ITPR2: variants seen among roughly 807,000 people sequenced by gnomAD.
ITPR2 encodes the protein inositol 1,4,5-trisphosphate-gated calcium channel ITPR2.
Under a neutral mutation model 317.1 loss-of-function variants are expected in ITPR2, and 207 were observed. The observed-to-expected ratio is 0.65, with a 90% CI of 0.58 to 0.73. The LOEUF is 0.73. Among genes scored for constraint, ITPR2 ranks in the 30% least tolerant of loss-of-function variants. The pLI is 0.00. For missense variants in ITPR2, 2,613 were observed against 3,284.0 expected (o/e 0.80, Z 4.99); for synonymous variants, 1,156 against 1,149.1 (o/e 1.01, Z -0.12).
At chr12:26,441,457 T>C (rs10842732) in intron 46 of ITPR2, among the ~76,000 whole-genome samples, 68,924 of 152,058 alleles carry the variant, frequency 0.45, 17,380 homozygotes, top group Non-Finnish European at 0.58. Flanking sequence ...AAGTGACATA[T>C]ATGAAGCTAA....
At chr12:26,360,007 A>C (rs1313369116) in intron 55 of ITPR2, among the ~76,000 whole-genome samples, 8 of 152,290 alleles carry the variant, frequency 5.3e-5, no homozygotes, top group African/African-American at 1.7e-4. Flanking sequence ...TGGCTCTCGC[A>C]ATCTACTGAT....
chr12:26,774,213 T>C (rs1949919173), intron 2 of ITPR2, among the ~76,000 whole-genome samples: 1 of 152,140 alleles, frequency 6.6e-6, no homozygotes, highest in Non-Finnish European at 1.5e-5. Flanking sequence ...TTTAAGACTA[T>C]AACAAACTAA....
At chr12:26,540,946 G>A (rs1944241514) in intron 37 of ITPR2, among the ~76,000 whole-genome samples, 1 of 152,058 alleles carries the variant, frequency 6.6e-6, no homozygotes, top group Non-Finnish European at 1.5e-5. Flanking sequence ...TAAAGCAGAT[G>A]TCTTATTATA....
chr12:26,562,819 T>C (rs1944856504), intron 34 of ITPR2, among the ~76,000 whole-genome samples: 1 of 151,592 alleles, frequency 6.6e-6, no homozygotes, highest in African/African-American at 2.4e-5. Context: ...CTAATGTAAA[T>C]GACAAGTTAA....
intron 55 of ITPR2, among the ~76,000 whole-genome samples, chr12:26,356,845 C>G (rs1016239112): frequency 6.6e-6 from 1 of 152,126 alleles, no homozygotes; most frequent in Non-Finnish European, 1.5e-5. Flanking sequence ...CTGTGCCCAG[C>G]TCATTTTATA....
intron 26 of ITPR2, 72 bp downstream of exon 26, chr12:26,621,051 T>C: frequency 7.6e-7 from 1 of 1,309,918 alleles, no homozygotes; most frequent in East Asian, 2.4e-5. Flanking sequence ...ATTTTGATTG[T>C]AGAGCATGTG....
At chr12:26,504,491 C>T (rs1050192728) in intron 37 of ITPR2, among the ~76,000 whole-genome samples, 5 of 146,784 alleles carry the variant, frequency 3.4e-5, no homozygotes, top group African/African-American at 1.2e-4. Context: ...AGCCAATAAA[C>T]ATGAAAAAAA....
chr12:26,565,487 T>C lies in ITPR2; in HGVS notation c.4631-3535A>G, dbSNP rs199874687. On this transcript the variant is annotated intron_variant, in intron 34 of 56. Transcript: ENST00000381340. ...ATTGGATGAATAGATAGACAGATGATAGATAGATAGATAGATAGATAGATA... is the reference window on the plus strand; with the variant it reads ...ATTGGATGAATAGATAGACAGATGACAGATAGATAGATAGATAGATAGATA... Among the ~76,000 whole-genome samples the C allele has an allele frequency of 4.4e-4, 26 of 58,774 alleles. No individual in the cohort carries two copies. In the South Asian group the frequency reaches 0.016, roughly 36 times the overall value. The allele number at this position is 58,774 out of a possible 152,430, so 38.6% of individuals were successfully genotyped here. A position where few individuals can be genotyped will look rare whatever the true frequency, so the allele number is the denominator to read the frequency against.
chr12:26,769,932 T>C (rs973110944), intron 2 of ITPR2, among the ~76,000 whole-genome samples: 6 of 152,192 alleles, frequency 3.9e-5, no homozygotes, highest in Non-Finnish European at 8.8e-5. Context: ...AAAGAATGCA[T>C]TTTCCAAGGG....
In ITPR2 at chr12:26,654,092, C is replaced by A; in HGVS notation, c.2624G>T (p.Gly875Val). The change falls in exon 21 of 57, where the codon GGA (glycine) becomes GTA (valine). Residue 875 changes from glycine (G) to valine (V), a missense_variant. Gly to Val is a moderately radical substitution (Grantham distance 109). Around this residue, in one of 9 missense-constraint regions of ITPR2, gnomAD observed 817 missense variants for 897.6 expected, o/e 0.91. Coordinates refer to ENST00000381340, the MANE Select transcript of ITPR2 (RefSeq NM_002223.4). The stretch of plus-strand genomic sequence containing the variant: ...TAATAACTCACTGAAACTATAAAAT[C>A]CAAAGTATATAAGATTCCGAGCCAA... ...VHLARNLIYF[G>V]FYSFSELLRL... is the part of the protein sequence containing the mutation. 2.1e-6 allele frequency: 3 copies of A among 1,443,302 alleles called. No homozygotes were observed. The highest frequency in any genetic ancestry group is 2.8e-6 in the Non-Finnish European group (3 of 1,077,770). The allele number at this position is 1,443,302 out of a possible 1,614,324, so 89.4% of individuals were successfully genotyped here. A position where few individuals can be genotyped will look rare whatever the true frequency, so the allele number is the denominator to read the frequency against.
intron 13 of ITPR2, among the ~76,000 whole-genome samples, chr12:26,680,727 T>C (rs1948012267): frequency 6.6e-6 from 1 of 152,230 alleles, no homozygotes; most frequent in African/African-American, 2.4e-5. Flanking sequence ...CTGTATTCTG[T>C]TGTATGAAAA....
chr12:26,560,984 T>C (rs1231302450), intron 35 of ITPR2, among the ~76,000 whole-genome samples: 2 of 152,190 alleles, frequency 1.3e-5, no homozygotes, highest in Non-Finnish European at 2.9e-5. Context: ...AAATTTCATA[T>C]GTTGAAGGCC....
chr12:26,770,312 A>G (rs56166620), intron 2 of ITPR2, among the ~76,000 whole-genome samples: 24,555 of 152,168 alleles, frequency 0.16, 2,743 homozygotes, highest in Non-Finnish European at 0.24. Context: ...AAGTCAAGAG[A>G]GTATTTCTGG....
chr12:26,745,536 C>T (rs1013161356), intron 2 of ITPR2, among the ~76,000 whole-genome samples: 1 of 152,174 alleles, frequency 6.6e-6, no homozygotes, highest in East Asian at 1.9e-4. Flanking sequence ...TGAAGAAGCA[C>T]GCTTGAACTC....
At chr12:26,438,688 A>G (rs1229996899) in intron 47 of ITPR2, among the ~76,000 whole-genome samples, 1 of 152,188 alleles carries the variant, frequency 6.6e-6, no homozygotes, top group Non-Finnish European at 1.5e-5. Context: ...GATATGTTCA[A>G]AGAAAGAATT....
intron 46 of ITPR2, among the ~76,000 whole-genome samples, chr12:26,440,050 T>C (rs904777994): frequency 1.3e-5 from 2 of 152,190 alleles, no homozygotes; most frequent in African/African-American, 4.8e-5. Flanking sequence ...TGAATAAGGA[T>C]TGGCTTAACC....
At chr12:26,749,778 C>A (rs1949385139) in intron 2 of ITPR2, among the ~76,000 whole-genome samples, 1 of 152,170 alleles carries the variant, frequency 6.6e-6, no homozygotes, top group Admixed American at 6.5e-5. Context: ...AAGTACTATG[C>A]CTCAAGAACA....
chr12:26,579,319 A>C (rs145573333), intron 33 of ITPR2, among the ~76,000 whole-genome samples: 1 of 152,318 alleles, frequency 6.6e-6, no homozygotes, highest in Admixed American at 6.5e-5. Flanking sequence ...AGTTATACAC[A>C]ATCACTGTAG....
intron 32 of ITPR2, among the ~76,000 whole-genome samples, chr12:26,582,485 T>C (rs527476441): frequency 7.9e-5 from 12 of 152,366 alleles, no homozygotes; most frequent in African/African-American, 2.6e-4. Flanking sequence ...TTTAAAAAGC[T>C]ATATTTATTC....
Sources: allele counts gnomAD v4.1 joint callset (sites outside exome capture counted in the v4.1 genomes callset), GRCh38; gene constraint gnomAD v4.1.1; regional missense constraint gnomAD v4.1.1; transcripts MANE v1.5; gene names NCBI Gene and HGNC (gene_info 2026-07-23, HGNC 2026-07-21).